Variants in PPP1R12B observed in about 807,000 individuals in gnomAD.
PPP1R12B encodes the protein protein phosphatase 1 regulatory subunit 12B.
In PPP1R12B, 76 loss-of-function variants were observed where a neutral mutation model predicts 126.1. The ratio of observed to expected loss-of-function variants is 0.60; its 90% CI spans 0.50 to 0.73. The LOEUF (loss-of-function observed/expected upper bound fraction) is 0.73, where lower values mean the gene tolerates loss of function less well. Ranked by LOEUF, PPP1R12B falls within the 30% of genes least tolerant of loss-of-function variation. PPP1R12B has a pLI of 0.00. For missense variants in PPP1R12B, 1,052 were observed against 1,205.1 expected, an observed-to-expected ratio of 0.87 and a Z score of 1.88; for synonymous variants, 356 against 434.7, an observed-to-expected ratio of 0.82 and a Z score of 2.25.
intron 18 of PPP1R12B, among the ~76,000 whole-genome samples, chr1:202,532,771 T>A (rs1342671437): frequency 6.6e-6 from 1 of 151,592 alleles, no homozygotes; most frequent in Admixed American, 6.6e-5. Flanking sequence ...ATGAAAAAAC[T>A]CTGTTTTTTT....
chr1:202,495,394 G>A lies in PPP1R12B; in HGVS notation c.2247G>A (p.Leu749=), dbSNP rs371708512. The A allele has an allele frequency of 6.2e-7, 1 of 1,611,470 alleles. No individual in the cohort carries two copies. The highest frequency in any genetic ancestry group is 8.5e-7 in the Non-Finnish European group (1 of 1,178,418). The change falls in exon 16 of 24, where the codon CTG becomes CTA. Residue 749 remains leucine, a synonymous_variant. Transcript: ENST00000608999. ...SRPSLYTSSH[L]LWTNRFSVPD... is the part of the protein sequence containing the mutation. ...CCTCACTCTACACCAGTTCCCACCT[G>A]CTATGGACAAATAGATTTTCAGTCC...
intron 11 of PPP1R12B, 75 bp from the exon 12 acceptor site, chr1:202,442,372 C>T: frequency 6.7e-7 from 1 of 1,498,678 alleles, no homozygotes; most frequent in Non-Finnish European, 9.0e-7. Flanking sequence ...TCTGGCTCTT[C>T]TCTCTCTGCA....
At chr1:202,467,194 T>A (rs567238085) in intron 13 of PPP1R12B, among the ~76,000 whole-genome samples, 1 of 151,560 alleles carries the variant, frequency 6.6e-6, no homozygotes, top group Admixed American at 6.6e-5. Flanking sequence ...AATGCTGTCC[T>A]CCCTTGTTTT....
Position 202,348,961 on chromosome 1 carries a change from A to G in PPP1R12B, c.110A>G (p.Glu37Gly), listed in dbSNP as rs763900411. The G allele has an allele frequency of 1.2e-6, 2 of 1,602,038 alleles. No homozygotes were observed. Among genetic ancestry groups the G allele is most frequent in the Admixed American group, 1.7e-5 (1 of 57,264 alleles). The change falls in exon 1 of 24, where the codon GAG (glutamate) becomes GGG (glycine). Residue 37 changes from glutamate (E) to glycine (G), a missense_variant. Coordinates refer to ENST00000608999, the MANE Select transcript of PPP1R12B (RefSeq NM_002481.4). The stretch of plus-strand genomic sequence containing the variant: ...TCGCTGACAGAGCAGGAGCCTGCGG[A>G]GCGACGAGGCGCGGGGCGGCAGCCG... ...RGSLTEQEPA[E>G]RRGAGRQPLT... is the part of the protein sequence containing the mutation.
intron 1 of PPP1R12B, among the ~76,000 whole-genome samples, chr1:202,370,341 A>C (rs2256808): frequency 0.34 from 51,546 of 151,946 alleles, 8,889 homozygotes; most frequent in Middle Eastern, 0.45. Context: ...TTTATGGCTG[A>C]GTAGTATTCC....
At chr1:202,360,143 T>TAG in intron 1 of PPP1R12B, among the ~76,000 whole-genome samples, 1 of 152,332 alleles carries the variant, frequency 6.6e-6, no homozygotes, top group East Asian at 1.9e-4. Context: ...TTCTATAAAC[T>TAG]AGTAATTAGA....
At chr1:202,521,628 G>A (rs1299236634) in intron 18 of PPP1R12B, among the ~76,000 whole-genome samples, 1 of 152,100 alleles carries the variant, frequency 6.6e-6, no homozygotes, top group East Asian at 1.9e-4. Context: ...GAAAATTACA[G>A]AATTAGGAAA....
chr1:202,349,857 A>C (rs1655619053), intron 1 of PPP1R12B, among the ~76,000 whole-genome samples: 1 of 152,062 alleles, frequency 6.6e-6, no homozygotes, highest in African/African-American at 2.4e-5. Context: ...TAGAAATCCC[A>C]TGCCCCATGT....
chr1:202,422,171 T>C (rs1047688413), intron 2 of PPP1R12B, among the ~76,000 whole-genome samples: 4 of 152,242 alleles, frequency 2.6e-5, no homozygotes, highest in Non-Finnish European at 4.4e-5. Context: ...GAAGATTTCA[T>C]GTGGATGTCT....
chr1:202,542,586 A>G (rs1427765359), intron 18 of PPP1R12B, among the ~76,000 whole-genome samples: 1 of 152,226 alleles, frequency 6.6e-6, no homozygotes, highest in Non-Finnish European at 1.5e-5. Flanking sequence ...CTTGATGGAG[A>G]CACAGGAAAC....
intron 1 of PPP1R12B, among the ~76,000 whole-genome samples, chr1:202,398,021 C>T (rs1475466572): frequency 6.6e-6 from 1 of 152,228 alleles, no homozygotes; most frequent in Non-Finnish European, 1.5e-5. Context: ...AAGTGATTCT[C>T]CCACCTCAGC....
chr1:202,548,199 CTCT>C (rs1685851204), intron 18 of PPP1R12B, among the ~76,000 whole-genome samples: 1 of 152,200 alleles, frequency 6.6e-6, no homozygotes, highest in African/African-American at 2.4e-5. Context: ...AAACTACTGT[CTCT>C]TCTTTAAATA....
intron 18 of PPP1R12B, among the ~76,000 whole-genome samples, chr1:202,546,599 G>C (rs531540655): frequency 6.6e-6 from 1 of 151,940 alleles, no homozygotes; most frequent in East Asian, 1.9e-4. Context: ...ATGAGACTCT[G>C]TCTCAAAAAG....
intron 1 of PPP1R12B, among the ~76,000 whole-genome samples, chr1:202,390,646 G>A (rs1663998404): frequency 6.7e-6 from 1 of 149,498 alleles, no homozygotes; most frequent in Non-Finnish European, 1.5e-5. Flanking sequence ...CTGCAGGTGT[G>A]TGACATCACA....
chr1:202,450,699 C>T (rs1672819506), intron 13 of PPP1R12B, among the ~76,000 whole-genome samples: 1 of 152,170 alleles, frequency 6.6e-6, no homozygotes. Flanking sequence ...TCTGAGTTCT[C>T]TACTCTGTTC....
chr1:202,428,762 C>G, intron 5 of PPP1R12B, 93 bp from the exon 6 acceptor site: 1 of 1,203,602 alleles, frequency 8.3e-7, no homozygotes, highest in East Asian at 2.5e-5. Flanking sequence ...GAGTCAAAGG[C>G]AAAAAGTGAC....
At chr1:202,443,720 C>T (rs748507534) in intron 12 of PPP1R12B, among the ~76,000 whole-genome samples, 11 of 152,120 alleles carry the variant, frequency 7.2e-5, no homozygotes, top group Non-Finnish European at 1.5e-4. Flanking sequence ...TAGTTGAATC[C>T]AAGATCAAGA....
At chr1:202,438,061 G>T in intron 10 of PPP1R12B, 37 bp downstream of exon 10, 2 of 1,430,394 alleles carry the variant, frequency 1.4e-6, no homozygotes, top group Non-Finnish European at 1.9e-6. Context: ...TTCCAAGGCA[G>T]TTTTTTTTTT....
intron 19 of PPP1R12B, among the ~76,000 whole-genome samples, chr1:202,562,417 A>C (rs1687621211): frequency 1.3e-5 from 2 of 152,196 alleles, no homozygotes; most frequent in Admixed American, 1.3e-4. Context: ...TTTTTCCAAG[A>C]GCCATTGAAA....
Sources: gnomAD v4.1 joint callset for allele counts (sites outside exome capture counted in the v4.1 genomes callset) on GRCh38, gnomAD v4.1.1 for gene constraint, MANE v1.5 for transcripts, NCBI Gene and HGNC (gene_info 2026-07-23, HGNC 2026-07-21) for gene names.